Variants in ZDHHC14 observed in about 807,000 individuals in gnomAD.
The protein encoded by ZDHHC14 is palmitoyltransferase ZDHHC14.
A neutral mutation model predicts 47.7 loss-of-function variants in ZDHHC14; 16 were observed. That is an observed-to-expected ratio of 0.34 (90% CI 0.23 to 0.51). The LOEUF is 0.51. ZDHHC14 is among the 20% of genes least tolerant of loss of function. The pLI is 0.97. For synonymous variants in ZDHHC14, 293 were observed against 278.9 expected, an observed-to-expected ratio of 1.05 and a Z score of -0.50; for missense variants, 515 against 662.5, an observed-to-expected ratio of 0.78 and a Z score of 2.44.
At chr6:157,501,899 C>G (rs143257570) in intron 1 of ZDHHC14, among the ~76,000 whole-genome samples, 316 of 152,284 alleles carry the variant, frequency 2.1e-3, no homozygotes, top group Non-Finnish European at 3.8e-3. Context: ...ATTTCAGCTT[C>G]TTCAGGACAC....
At chr6:157,597,335 G>C (rs989241934) in intron 3 of ZDHHC14, among the ~76,000 whole-genome samples, 13 of 152,138 alleles carry the variant, frequency 8.5e-5, no homozygotes, top group Admixed American at 3.9e-4. Context: ...TGCTGCCCTC[G>C]TTTTTCTGAT....
intron 1 of ZDHHC14, among the ~76,000 whole-genome samples, chr6:157,460,969 A>G (rs753636343): frequency 5.3e-5 from 8 of 152,224 alleles, no homozygotes; most frequent in Non-Finnish European, 1.2e-4. Context: ...AGGACAATGC[A>G]TAAAGCATGC....
At chr6:157,480,637 C>T (rs531185225) in intron 1 of ZDHHC14, among the ~76,000 whole-genome samples, 5 of 152,302 alleles carry the variant, frequency 3.3e-5, no homozygotes, top group South Asian at 2.1e-4. Flanking sequence ...ACCCAGTAGA[C>T]GGCTCCCACT....
intron 8 of ZDHHC14, among the ~76,000 whole-genome samples, chr6:157,665,264 T>A (rs1691555235): frequency 6.6e-6 from 1 of 152,180 alleles, no homozygotes; most frequent in Non-Finnish European, 1.5e-5. Context: ...TCTCTATAAT[T>A]AGAGGACATG....
At chr6:157,649,816 G>T (rs2114987123) in intron 7 of ZDHHC14, among the ~76,000 whole-genome samples, 1 of 152,326 alleles carries the variant, frequency 6.6e-6, no homozygotes, top group South Asian at 2.1e-4. Context: ...CTGGCGGGAG[G>T]AATGGAAAAT....
rs1433463849 is a variant in ZDHHC14 at position 157,675,972 on chromosome 6, T to G, written c.*2850T>G. 6.6e-6 allele frequency: 1 copy of G among 152,238 alleles called. No individual in the cohort carries two copies. Among genetic ancestry groups the G allele is most frequent in the Non-Finnish European group, 1.5e-5 (1 of 68,034 alleles). The allele number at this position is 152,238 out of a possible 1,614,324, so 9.4% of individuals were successfully genotyped here. A position where few individuals can be genotyped will look rare whatever the true frequency, so the allele number is the denominator to read the frequency against. ...TTTAAAAATTCATCTGCGTTCGTTC[T>G]CCCAGGAGTGCTCCAGGGAACCACA... is the stretch of plus-strand genomic sequence containing the variant. On this transcript the variant is annotated 3_prime_UTR_variant, in exon 9 of 9. Transcript: ENST00000359775.
chr6:157,627,246 T>C (rs1357852309), intron 3 of ZDHHC14, among the ~76,000 whole-genome samples: 1 of 152,238 alleles, frequency 6.6e-6, no homozygotes, highest in East Asian at 1.9e-4. Context: ...TATAATGTTT[T>C]ATTTATATGG....
At chr6:157,411,821 C>T (rs1777875457) in intron 1 of ZDHHC14, among the ~76,000 whole-genome samples, 1 of 151,190 alleles carries the variant, frequency 6.6e-6, no homozygotes, top group Admixed American at 6.6e-5. Context: ...TTAGACCACA[C>T]AGTCATTAGA....
chr6:157,381,232 C>T lies in ZDHHC14; in HGVS notation c.-790C>T, dbSNP rs1370762412. The T allele has an allele frequency of 6.6e-6, 1 of 151,218 alleles. No homozygotes were observed. Among genetic ancestry groups the T allele is most frequent in the Non-Finnish European group, 1.5e-5 (1 of 67,824 alleles). The allele number at this position is 151,218 out of a possible 1,614,324, so 9.4% of individuals were successfully genotyped here. A position where few individuals can be genotyped will look rare whatever the true frequency, so the allele number is the denominator to read the frequency against. ...GTCTGTGCTGTGTCCCCGCGGCCCTCCTCGCGCCGGGGCCGCTTCCTCCGG... is the reference window on the plus strand; with the variant it reads ...GTCTGTGCTGTGTCCCCGCGGCCCTTCTCGCGCCGGGGCCGCTTCCTCCGG... On this transcript the variant is annotated 5_prime_UTR_variant, in exon 1 of 9. Transcript: ENST00000359775.
In ZDHHC14 at chr6:157,427,476, G is replaced by A. The variant is rs148296068; in HGVS notation, c.245+45210G>A. ...GCAGGGCCTACCAGCATGGGTTGGC[G>A]TGGGGGTGAGGATGGTTGGCTGGGT... On this transcript the variant is annotated intron_variant, in intron 1 of 8. Transcript: ENST00000359775. This position sits in a 1 kb window ranked among gnomAD's most constrained non-coding sequence, Gnocchi z 4.4. Among the ~76,000 whole-genome samples, 67 of 152,252 alleles carry A rather than the reference G, an allele frequency of 4.4e-4. 1 individual carries two copies. In the East Asian group the frequency reaches 0.012, roughly 27 times the overall value.
rs71027335 is a variant in ZDHHC14, at chr6:157,416,972, GTTTTTTTTTTTTTT to G, written c.245+34722_245+34735del. Among the ~76,000 whole-genome samples, 209 of 45,562 alleles carry G rather than the reference GTTTTTTTTTTTTTT, an allele frequency of 4.6e-3. 2 individuals carry two copies. Among genetic ancestry groups the G allele is most frequent in the African/African-American group, 0.021 (191 of 9,064 alleles). 29.9% of individuals were successfully genotyped at this position (45,562 alleles called of 152,430 possible). A position where few individuals can be genotyped will look rare whatever the true frequency, so the allele number is the denominator to read the frequency against. ...AGGTGCCCGCCACCATGCCTGGCTA[GTTTTTTTTTTTTTT>G]TTTTTTTTTTTTTTTGTATTTTTAG... On this transcript the variant is annotated intron_variant, in intron 1 of 8. Coordinates refer to ENST00000359775, the MANE Select transcript of ZDHHC14 (RefSeq NM_024630.3).
At chr6:157,595,174 ATTTTTTTTTTTTTTTTT>A (rs777568494) in intron 3 of ZDHHC14, among the ~76,000 whole-genome samples, 929 of 62,696 alleles carry the variant, frequency 0.015, 13 homozygotes, top group Middle Eastern at 0.058. Flanking sequence ...TCTAGGCTAG[ATTTTTTTTTTTTTTTTT>A]TTTTTTTTTT....
chr6:157,517,446 G>C (rs893877045), intron 1 of ZDHHC14, among the ~76,000 whole-genome samples: 1 of 152,044 alleles, frequency 6.6e-6, no homozygotes, highest in Admixed American at 6.5e-5. Flanking sequence ...GAGTAGCTGG[G>C]ATTACAGGTG....
chr6:157,545,117 T>C (rs569214848), intron 2 of ZDHHC14, among the ~76,000 whole-genome samples: 2 of 152,356 alleles, frequency 1.3e-5, no homozygotes, highest in East Asian at 3.9e-4. Flanking sequence ...ATGTACTGTG[T>C]GATTCCATTT....
intron 2 of ZDHHC14, among the ~76,000 whole-genome samples, chr6:157,560,768 G>A (rs1302303173): frequency 6.6e-6 from 1 of 152,150 alleles, no homozygotes; most frequent in African/African-American, 2.4e-5. Context: ...GGCAAATCAC[G>A]AATTCTCTCT....
intron 1 of ZDHHC14, among the ~76,000 whole-genome samples, chr6:157,464,861 C>G (rs929208766): frequency 1.3e-5 from 2 of 152,180 alleles, no homozygotes; most frequent in African/African-American, 4.8e-5. Flanking sequence ...AAATCTCTCT[C>G]GTACGTAGCT....
At chr6:157,409,984 A>G (rs1428839957) in intron 1 of ZDHHC14, among the ~76,000 whole-genome samples, 16 of 152,018 alleles carry the variant, frequency 1.1e-4, no homozygotes, top group Non-Finnish European at 4.4e-5. Flanking sequence ...ACATGCCACC[A>G]TCACGCCCGG....
At chr6:157,604,720 T>C (rs1163284820) in intron 3 of ZDHHC14, among the ~76,000 whole-genome samples, 1 of 152,186 alleles carries the variant, frequency 6.6e-6, no homozygotes, top group Non-Finnish European at 1.5e-5. Context: ...ATTTTTGTAA[T>C]TTTAGTAGAG....
intron 4 of ZDHHC14, chr6:157,630,974 C>T (rs1238866693): frequency 1.6e-5 from 2 of 124,098 alleles, no homozygotes; most frequent in Non-Finnish European, 3.5e-5. Flanking sequence ...ACACCCTTAC[C>T]CACACTCACA....
Sources: gnomAD v4.1 joint callset for allele counts (sites outside exome capture counted in the v4.1 genomes callset) on GRCh38, gnomAD v4.1.1 for gene constraint, Gnocchi (gnomAD v3.1) non-coding constraint, MANE v1.5 for transcripts, NCBI Gene and HGNC (gene_info 2026-07-23, HGNC 2026-07-21) for gene names.